The following NCOR1 variants were observed in gnomAD, a reference collection of about 807,000 sequenced individuals.
The protein encoded by NCOR1 is protein phosphatase 1, regulatory subunit 109.
A neutral mutation model predicts 288.1 loss-of-function variants in NCOR1; 63 were observed. The ratio of observed to expected loss-of-function variants is 0.22; its 90% CI spans 0.18 to 0.27. NCOR1 has a LOEUF of 0.27. Among genes scored for constraint, NCOR1 ranks in the 10% least tolerant of loss-of-function variants. NCOR1 has a pLI of 1.00. For missense variants in NCOR1, 2,397 were observed against 3,019.2 expected, an observed-to-expected ratio of 0.79 and a Z score of 4.83; for synonymous variants, 1,007 against 1,065.9, an observed-to-expected ratio of 0.94 and a Z score of 1.08.
Position 16,031,601 on chromosome 17 carries a change from T to C in NCOR1, c.*695A>G. ...AGTAATATTTTTTCAGTGCTACTAA[T>C]GAAAAAAAAAAATTAAAGCCTGCAC... On this transcript the variant is annotated 3_prime_UTR_variant, in exon 46 of 46. Coordinates refer to ENST00000268712, the MANE Select transcript of NCOR1 (RefSeq NM_006311.4). 1 of 221,912 alleles carries C rather than the reference T, an allele frequency of 4.5e-6. No individual in the cohort carries two copies. The highest frequency in any genetic ancestry group is 9.0e-6 in the Non-Finnish European group (1 of 111,408). The allele number at this position is 221,912 out of a possible 1,614,324, so 13.7% of individuals were successfully genotyped here.
intron 18 of NCOR1, among the ~76,000 whole-genome samples, chr17:16,114,626 C>T (rs2071165696): frequency 6.6e-6 from 1 of 152,104 alleles, no homozygotes; most frequent in Non-Finnish European, 1.5e-5. Flanking sequence ...ACGAAAGGGG[C>T]TATAGGGTCT....
chr17:16,049,930 G>C (rs2059116774), intron 40 of NCOR1, among the ~76,000 whole-genome samples: 1 of 151,994 alleles, frequency 6.6e-6, no homozygotes, highest in East Asian at 1.9e-4. Context: ...CCCGCTCGTT[G>C]CCCAGGCAGG....
At position 16,127,583 on chromosome 17, in the gene NCOR1, G is replaced by C. The variant is rs748603533; in HGVS notation, c.1510-1377C>G. ...TATATATGTATGTATATATACATAT[G>C]TGTATATATGTATGTATACATACAT... On this transcript the variant is annotated intron_variant, in intron 14 of 45. Coordinates refer to ENST00000268712, the MANE Select transcript of NCOR1 (RefSeq NM_006311.4). 1.2e-3 allele frequency among the ~76,000 whole-genome samples: 167 copies of C among 141,914 alleles called. 1 individual carries two copies. The highest frequency in any genetic ancestry group is 1.9e-3 in the Non-Finnish European group (127 of 65,740). The allele number at this position is 141,914 out of a possible 152,430, so 93.1% of individuals were successfully genotyped here.
intron 42 of NCOR1, chr17:16,044,901 G>A: frequency 1.4e-6 from 1 of 709,628 alleles, no homozygotes; most frequent in Non-Finnish European, 2.5e-6. Context: ...GAAAGTGGAA[G>A]CAAACAAAGA....
At position 16,114,821 on chromosome 17, in the gene NCOR1, G is replaced by C. The variant is rs188684739; in HGVS notation, c.2055+3067C>G. Reference sequence around the variant, plus strand: ...CTGGCTGTTTTCACAGGGTAGCGTTGAGTGTCTGCGGCTTTTCCAGGCACA... The same window carrying C: ...CTGGCTGTTTTCACAGGGTAGCGTTCAGTGTCTGCGGCTTTTCCAGGCACA... On this transcript the variant is annotated intron_variant, in intron 18 of 45. Transcript: ENST00000268712. Among the ~76,000 whole-genome samples the C allele has an allele frequency of 2.0e-3, 298 of 152,322 alleles. 2 individuals carry two copies. The highest frequency in any genetic ancestry group is 6.1e-3 in the African/African-American group (255 of 41,580).
chr17:16,182,695 G>A (rs780038450), intron 3 of NCOR1, among the ~76,000 whole-genome samples: 12 of 152,032 alleles, frequency 7.9e-5, no homozygotes, highest in South Asian at 4.1e-4. Context: ...CTCGTGATCC[G>A]TCCACCTTGG....
intron 33 of NCOR1, 54 bp from the exon 34 acceptor site, chr17:16,065,073 C>A: frequency 6.6e-7 from 1 of 1,516,696 alleles, no homozygotes; most frequent in Non-Finnish European, 9.0e-7. Flanking sequence ...GGTACAGAAC[C>A]ATACATGACT....
At chr17:16,085,281 G>T (rs2064044482) in intron 23 of NCOR1, among the ~76,000 whole-genome samples, 1 of 152,196 alleles carries the variant, frequency 6.6e-6, no homozygotes, top group African/African-American at 2.4e-5. Context: ...AGCAAATGGA[G>T]CAATCACGTC....
intron 23 of NCOR1, among the ~76,000 whole-genome samples, chr17:16,085,303 T>C (rs73981444): frequency 0.04 from 6,085 of 152,310 alleles, 127 homozygotes; most frequent in East Asian, 0.075. Context: ...CATACATTGC[T>C]AGTGGCAGCA....
At chr17:16,048,737 C>G in intron 41 of NCOR1, 108 bp downstream of exon 41, 4 of 1,230,626 alleles carry the variant, frequency 3.3e-6, no homozygotes, top group Non-Finnish European at 4.3e-6. Flanking sequence ...GAATGCCATC[C>G]AGACATAAAA....
intron 32 of NCOR1, among the ~76,000 whole-genome samples, chr17:16,066,937 A>T (rs974083740): frequency 6.6e-6 from 1 of 152,262 alleles, no homozygotes; most frequent in African/African-American, 2.4e-5. Flanking sequence ...AAGGATACTT[A>T]TTAAGCAAAG....
chr17:16,077,434 A>AAAGGT (rs2062635028), intron 26 of NCOR1, among the ~76,000 whole-genome samples: 1 of 128,192 alleles, frequency 7.8e-6, no homozygotes, highest in Non-Finnish European at 1.7e-5. Context: ...GAAGGAAAGG[A>AAAGGT]AAGGTAAGGA....
chr17:16,203,994 C>A (rs1419215662), intron 1 of NCOR1, among the ~76,000 whole-genome samples: 3 of 151,882 alleles, frequency 2.0e-5, no homozygotes, highest in Non-Finnish European at 4.4e-5. Flanking sequence ...AACACATAGA[C>A]CAGAATTGTC....
chr17:16,040,507 A>G lies in NCOR1; in HGVS notation c.6680-13T>C. ...GGCTGAGCAGCTGCTATATTTAAGCAAACATTCAAGTTAATTAAGATGTGA... is the reference window on the plus strand; with the variant it reads ...GGCTGAGCAGCTGCTATATTTAAGCGAACATTCAAGTTAATTAAGATGTGA... On this transcript the variant is annotated splice_polypyrimidine_tract_variant and intron_variant, in intron 42 of 45. Coordinates refer to ENST00000268712, the MANE Select transcript of NCOR1 (RefSeq NM_006311.4). 2.5e-6 allele frequency: 4 copies of G among 1,612,030 alleles called. No homozygotes were observed. The highest frequency in any genetic ancestry group is 3.4e-6 in the Non-Finnish European group (4 of 1,178,800).
Position 16,150,108 on chromosome 17 carries a change from A to G in NCOR1, c.843-591T>C, listed in dbSNP as rs149531880. ...AAATTGGAAGCATTGTGACCTTCAA[A>G]AACAATGACATGCAGGTTCAAGTAT... On this transcript the variant is annotated intron_variant, in intron 8 of 45. Coordinates refer to ENST00000268712, the MANE Select transcript of NCOR1 (RefSeq NM_006311.4). Among the ~76,000 whole-genome samples the G allele has an allele frequency of 6.2e-3, 938 of 152,246 alleles. 9 individuals are homozygous for G. The highest frequency in any genetic ancestry group is 0.022 in the African/African-American group (913 of 41,538).
intron 1 of NCOR1, among the ~76,000 whole-genome samples, chr17:16,206,173 T>C (rs1432471964): frequency 2.0e-5 from 3 of 151,970 alleles, no homozygotes; most frequent in Non-Finnish European, 4.4e-5. Context: ...TATAAATATC[T>C]ATCCATATCT....
chr17:16,054,606 A>G (rs1488934568), intron 40 of NCOR1, among the ~76,000 whole-genome samples: 1 of 152,166 alleles, frequency 6.6e-6, no homozygotes, highest in Non-Finnish European at 1.5e-5. Context: ...GCATATGAAA[A>G]AAAAAGCTCA....
At chr17:16,188,931 A>T (rs1374221066) in intron 2 of NCOR1, among the ~76,000 whole-genome samples, 1 of 152,098 alleles carries the variant, frequency 6.6e-6, no homozygotes, top group Non-Finnish European at 1.5e-5. Context: ...AGGCTGAGGC[A>T]GTAGAATCGC....
chr17:16,045,968 C>T (rs571990827), intron 42 of NCOR1, among the ~76,000 whole-genome samples: 14 of 152,192 alleles, frequency 9.2e-5, no homozygotes, highest in African/African-American at 1.9e-4. Flanking sequence ...TGTATACCAC[C>T]GCACCCAGCT....
Sources: allele counts gnomAD v4.1 joint callset (sites outside exome capture counted in the v4.1 genomes callset), GRCh38; gene constraint gnomAD v4.1.1; transcripts MANE v1.5; gene names NCBI Gene and HGNC (gene_info 2026-07-23, HGNC 2026-07-21).